PTPRG: variants seen among roughly 807,000 people sequenced by gnomAD.
PTPRG encodes receptor-type tyrosine-protein phosphatase gamma.
Under a neutral mutation model 165.3 loss-of-function variants are expected in PTPRG, and 102 were observed. The ratio of observed to expected loss-of-function variants is 0.62; its 90% confidence interval spans 0.53 to 0.73. The LOEUF (loss-of-function observed/expected upper bound fraction) is 0.73, where lower values mean the gene tolerates loss of function less well. PTPRG is among the 30% of genes least tolerant of loss of function. The pLI is 0.00. For missense variants in PTPRG, 1,866 were observed against 1,861.4 expected, an observed-to-expected ratio of 1.00 and a Z score of -0.05; for synonymous variants, 675 against 669.5, an observed-to-expected ratio of 1.01 and a Z score of -0.13.
intron 1 of PTPRG, among the ~76,000 whole-genome samples, chr3:61,628,070 CCCTAGTCT>C (rs1456190615): frequency 1.3e-5 from 2 of 152,176 alleles, no homozygotes; most frequent in African/African-American, 4.8e-5. Context: ...ACAGATATAT[CCCTAGTCT>C]CAACATTAAG....
chr3:61,625,699 A>G (rs1245263540), intron 1 of PTPRG, among the ~76,000 whole-genome samples: 1 of 152,186 alleles, frequency 6.6e-6, no homozygotes, highest in African/African-American at 2.4e-5. Flanking sequence ...TGGAGTATCT[A>G]CTACAGAGTG....
intron 6 of PTPRG, among the ~76,000 whole-genome samples, chr3:62,133,668 C>T (rs1559549572): frequency 2.0e-5 from 3 of 152,122 alleles, no homozygotes; most frequent in Non-Finnish European, 4.4e-5. Context: ...TTACTGAAAA[C>T]ACCACATAGA....
At chr3:62,033,518 C>A (rs183911898) in intron 4 of PTPRG, among the ~76,000 whole-genome samples, 1 of 145,954 alleles carries the variant, frequency 6.9e-6, no homozygotes, top group Non-Finnish European at 1.5e-5. Flanking sequence ...TGCACACATA[C>A]CATGCCTATC....
At chr3:61,857,706 C>T (rs765046587) in intron 2 of PTPRG, among the ~76,000 whole-genome samples, 183 of 152,104 alleles carry the variant, frequency 1.2e-3, no homozygotes, top group Non-Finnish European at 1.7e-3. Context: ...TAGTTCCTAA[C>T]GTTTTATCCA....
chr3:61,659,504 T>G, intron 1 of PTPRG: 2 of 952,642 alleles, frequency 2.1e-6, no homozygotes, highest in Non-Finnish European at 2.5e-6. Context: ...GGTAGGGGTC[T>G]GGATCCTGAT....
At chr3:61,730,852 C>A (rs1459058696) in intron 1 of PTPRG, among the ~76,000 whole-genome samples, 2 of 152,198 alleles carry the variant, frequency 1.3e-5, no homozygotes, top group African/African-American at 4.8e-5. Context: ...AGTCATGTTA[C>A]TTGCAGAGTG....
intron 5 of PTPRG, among the ~76,000 whole-genome samples, chr3:62,130,936 T>C (rs1703491080): frequency 7.1e-6 from 1 of 139,980 alleles, no homozygotes; most frequent in Non-Finnish European, 1.6e-5. Flanking sequence ...TCCTATTCAC[T>C]GATTTTTTTT....
intron 2 of PTPRG, among the ~76,000 whole-genome samples, chr3:61,975,164 A>C (rs913905639): frequency 6.6e-6 from 1 of 152,192 alleles, no homozygotes; most frequent in African/African-American, 2.4e-5. Flanking sequence ...GTGGCCTATA[A>C]ATGTTACCTG....
Position 61,562,345 on chromosome 3 carries a change from G to T in PTPRG, c.58G>T (p.Val20Leu), listed in dbSNP as rs758281367. Residue 20 changes from valine (V) to leucine (L), a missense_variant, in exon 1 of 30, where the codon GTG becomes TTG. Val to Leu is a conservative substitution (Grantham distance 32). Around this residue, in one of 3 missense-constraint regions of PTPRG, gnomAD observed 408 missense variants for 376.2 expected, o/e 1.08. Coordinates refer to ENST00000474889, the MANE Select transcript of PTPRG (RefSeq NM_002841.4). ...WILFLKITSS[V>L]LHYVVCFPAL... ...TTTGTTCCTGAAAATCACCAGTTCCGTGCTCCATTATGTCGTGTGCTTCCC... is the reference window on the plus strand; with the variant it reads ...TTTGTTCCTGAAAATCACCAGTTCCTTGCTCCATTATGTCGTGTGCTTCCC... 1.2e-6 allele frequency: 2 copies of T among 1,613,690 alleles called. No homozygotes were observed. Among genetic ancestry groups the T allele is most frequent in the Admixed American group, 1.7e-5 (1 of 60,020 alleles).
At chr3:61,838,428 C>T (rs758163184) in intron 2 of PTPRG, among the ~76,000 whole-genome samples, 10 of 152,256 alleles carry the variant, frequency 6.6e-5, no homozygotes, top group Middle Eastern at 6.8e-3. Flanking sequence ...CAAATTTAAC[C>T]TCCCTGAAGT....
intron 17 of PTPRG, 105 bp from the exon 18 acceptor site, chr3:62,267,305 C>T (rs1272197491): frequency 1.2e-6 from 1 of 863,272 alleles, no homozygotes; most frequent in Non-Finnish European, 1.8e-6. Context: ...CTCAGACTAC[C>T]TTGGGAGATG....
intron 1 of PTPRG, among the ~76,000 whole-genome samples, chr3:61,637,532 A>G (rs1701945431): frequency 6.6e-6 from 1 of 152,154 alleles, no homozygotes; most frequent in African/African-American, 2.4e-5. Context: ...CAAAACTGAG[A>G]CTGTGCAGAT....
At chr3:61,709,911 A>T (rs561011152) in intron 1 of PTPRG, among the ~76,000 whole-genome samples, 1 of 152,144 alleles carries the variant, frequency 6.6e-6, no homozygotes, top group African/African-American at 2.4e-5. Flanking sequence ...GCTGGGCCTT[A>T]TTCCCAAGGT....
intron 2 of PTPRG, among the ~76,000 whole-genome samples, chr3:61,780,238 G>A (rs1199723932): frequency 2.6e-5 from 4 of 152,144 alleles, no homozygotes; most frequent in African/African-American, 9.7e-5. Flanking sequence ...GCAGCTCTGG[G>A]TAATGACAAT....
intron 1 of PTPRG, among the ~76,000 whole-genome samples, chr3:61,564,533 G>A (rs1699858914): frequency 6.6e-6 from 1 of 152,200 alleles, no homozygotes; most frequent in Admixed American, 6.5e-5. Context: ...CCTGGTCCGG[G>A]AGCCGAGGGG....
chr3:61,807,654 G>A (rs996806006), intron 2 of PTPRG, among the ~76,000 whole-genome samples: 1 of 152,170 alleles, frequency 6.6e-6, no homozygotes, highest in Non-Finnish European at 1.5e-5. Flanking sequence ...ATACACATAT[G>A]TACACTTGTG....
At chr3:62,104,706 C>A (rs10510871) in intron 5 of PTPRG, among the ~76,000 whole-genome samples, 16,757 of 152,154 alleles carry the variant, frequency 0.11, 976 homozygotes, top group Middle Eastern at 0.13. Flanking sequence ...TGATGAGGAA[C>A]AGAATTCACT....
chr3:61,797,760 G>C (rs921499039), intron 2 of PTPRG, among the ~76,000 whole-genome samples: 4 of 152,104 alleles, frequency 2.6e-5, no homozygotes, highest in Non-Finnish European at 5.9e-5. Flanking sequence ...AGATCATGCT[G>C]ACTGCCCGGA....
chr3:62,088,941 G>A (rs17769504), intron 5 of PTPRG, among the ~76,000 whole-genome samples: 17,219 of 152,242 alleles, frequency 0.11, 1,238 homozygotes, highest in Middle Eastern at 0.16. Flanking sequence ...TCTAGGCATT[G>A]AGGGCCAGGA....
Sources: gnomAD v4.1 joint callset for allele counts (sites outside exome capture counted in the v4.1 genomes callset) on GRCh38, gnomAD v4.1.1 for gene constraint, gnomAD v4.1.1 regional missense constraint, MANE v1.5 for transcripts, NCBI Gene and HGNC (gene_info 2026-07-23, HGNC 2026-07-21) for gene names.